MGAT5: variants seen among roughly 807,000 people sequenced by gnomAD.
MGAT5 encodes the protein alpha-1,6-mannosylglycoprotein 6-beta-N-acetylglucosaminyltransferase A.
In MGAT5, 30 loss-of-function variants were observed where a neutral mutation model predicts 94.3. That is an observed-to-expected ratio of 0.32 (90% confidence interval 0.24 to 0.43). The LOEUF (loss-of-function observed/expected upper bound fraction) is 0.43, where lower values mean the gene tolerates loss of function less well. Ranked by LOEUF, MGAT5 falls within the 20% of genes least tolerant of loss-of-function variation. MGAT5 has a pLI of 1.00. For missense variants in MGAT5, 691 were observed against 905.5 expected, an observed-to-expected ratio of 0.76 and a Z score of 3.04; for synonymous variants, 310 against 322.9, an observed-to-expected ratio of 0.96 and a Z score of 0.43.
intron 1 of MGAT5, among the ~76,000 whole-genome samples, chr2:134,154,086 T>C (rs1687360596): frequency 6.6e-6 from 1 of 152,204 alleles, no homozygotes; most frequent in Non-Finnish European, 1.5e-5. Flanking sequence ...ATAAGAGCCA[T>C]AGCATTTTCA....
chr2:134,238,458 T>G (rs552419273), intron 1 of MGAT5, among the ~76,000 whole-genome samples: 1 of 152,340 alleles, frequency 6.6e-6, no homozygotes, highest in African/African-American at 2.4e-5. Flanking sequence ...ATGACACATG[T>G]GGCCTTTGAC....
intron 1 of MGAT5, among the ~76,000 whole-genome samples, chr2:134,170,505 A>G (rs947904031): frequency 6.6e-6 from 1 of 152,236 alleles, no homozygotes; most frequent in Non-Finnish European, 1.5e-5. Context: ...TGACACAGAC[A>G]AAAATGCTAA....
intron 10 of MGAT5, among the ~76,000 whole-genome samples, chr2:134,385,583 G>A (rs534776377): frequency 1.2e-4 from 19 of 152,310 alleles, no homozygotes; most frequent in African/African-American, 4.6e-4. Context: ...TAGACCTGGG[G>A]TGTTCAATCA....
At chr2:134,307,625 C>G (rs1024258868) in intron 2 of MGAT5, among the ~76,000 whole-genome samples, 3 of 152,076 alleles carry the variant, frequency 2.0e-5, no homozygotes, top group Admixed American at 2.0e-4. Flanking sequence ...AACCGTATTT[C>G]TTACTACCCT....
chr2:134,286,545 C>T (rs1287204658), intron 2 of MGAT5, among the ~76,000 whole-genome samples: 4 of 152,010 alleles, frequency 2.6e-5, no homozygotes, highest in Non-Finnish European at 4.4e-5. Flanking sequence ...AGTTTTCCTG[C>T]CTCAGCCTCC....
intron 10 of MGAT5, among the ~76,000 whole-genome samples, chr2:134,378,575 C>A (rs1338859632): frequency 6.6e-6 from 1 of 151,566 alleles, no homozygotes; most frequent in Non-Finnish European, 1.5e-5. Flanking sequence ...ATCGTTAAAT[C>A]AGAACACTAA....
chr2:134,222,033 G>T (rs1680800561), intron 1 of MGAT5, among the ~76,000 whole-genome samples: 1 of 152,116 alleles, frequency 6.6e-6, no homozygotes, highest in Non-Finnish European at 1.5e-5. Context: ...TGATTTGATG[G>T]TAATAGTTTT....
At chr2:134,150,004 G>C (rs916848549) in intron 1 of MGAT5, among the ~76,000 whole-genome samples, 1 of 152,188 alleles carries the variant, frequency 6.6e-6, no homozygotes, top group Non-Finnish European at 1.5e-5. Flanking sequence ...TCCCCACTGG[G>C]TGCCTGATTG....
intron 1 of MGAT5, among the ~76,000 whole-genome samples, chr2:134,259,671 G>A (rs1405541271): frequency 1.3e-5 from 2 of 152,068 alleles, no homozygotes; most frequent in African/African-American, 2.4e-5. Context: ...TCTTCCCTAC[G>A]TTCTGCCTGT....
At chr2:134,156,947 C>T (rs1176361052) in intron 1 of MGAT5, among the ~76,000 whole-genome samples, 1 of 152,122 alleles carries the variant, frequency 6.6e-6, no homozygotes, top group Non-Finnish European at 1.5e-5. Flanking sequence ...GTTTCTCGTT[C>T]TATAAATTGG....
At chr2:134,239,368 C>A (rs1309257652) in intron 1 of MGAT5, among the ~76,000 whole-genome samples, 2 of 152,202 alleles carry the variant, frequency 1.3e-5, no homozygotes, top group East Asian at 3.9e-4. Flanking sequence ...GGGGCTGTCA[C>A]CTTTGTTGGG....
intron 2 of MGAT5, among the ~76,000 whole-genome samples, chr2:134,283,760 G>T (rs1168162320): frequency 2.0e-5 from 3 of 146,856 alleles, no homozygotes; most frequent in Non-Finnish European, 3.0e-5. Context: ...GGTCTTCATG[G>T]TTATTTATGA....
At chr2:134,173,495 C>G (rs1688318773) in intron 1 of MGAT5, among the ~76,000 whole-genome samples, 2 of 152,162 alleles carry the variant, frequency 1.3e-5, no homozygotes, top group South Asian at 4.1e-4. Flanking sequence ...GTATCTGCAC[C>G]CCCTTGTTCT....
rs973341137 is a variant in MGAT5 at position 134,286,541 on chromosome 2, C to T, written c.406+15991C>T. On this transcript the variant is annotated intron_variant, in intron 2 of 15. Transcript: ENST00000281923. Reference sequence around the variant, plus strand: ...CTGCCTCCTGGGTTCAAGCAGTTTTCCTGCCTCAGCCTCCCAAGTAGCTGA... The same window carrying T: ...CTGCCTCCTGGGTTCAAGCAGTTTTTCTGCCTCAGCCTCCCAAGTAGCTGA... 2.0e-5 allele frequency among the ~76,000 whole-genome samples: 3 copies of T among 151,930 alleles called. No homozygotes were observed. In the South Asian group the frequency reaches 6.2e-4, roughly 31 times the overall value.
intron 4 of MGAT5, among the ~76,000 whole-genome samples, chr2:134,325,963 T>C (rs139429651): frequency 6.6e-6 from 1 of 152,190 alleles, no homozygotes; most frequent in Non-Finnish European, 1.5e-5. Flanking sequence ...GTGCCTAATA[T>C]TGTTTGTGCA....
At chr2:134,148,673 G>T (rs982163355) in intron 1 of MGAT5, among the ~76,000 whole-genome samples, 4 of 151,884 alleles carry the variant, frequency 2.6e-5, no homozygotes, top group African/African-American at 9.7e-5. Flanking sequence ...TATACACATG[G>T]ACACACTGTA....
intron 1 of MGAT5, among the ~76,000 whole-genome samples, chr2:134,185,958 C>T (rs1010675718): frequency 6.6e-6 from 1 of 152,112 alleles, no homozygotes; most frequent in Non-Finnish European, 1.5e-5. Context: ...CTGCTGAGAG[C>T]CTGTGATATT....
At chr2:134,186,741 C>T (rs967952938) in intron 1 of MGAT5, among the ~76,000 whole-genome samples, 1 of 152,150 alleles carries the variant, frequency 6.6e-6, no homozygotes, top group Non-Finnish European at 1.5e-5. Flanking sequence ...TCAGTGATGG[C>T]ATCATCAAAG....
chr2:134,314,955 CA>C (rs1686913730), intron 2 of MGAT5, among the ~76,000 whole-genome samples: 1 of 152,190 alleles, frequency 6.6e-6, no homozygotes, highest in Non-Finnish European at 1.5e-5. Flanking sequence ...TTTTTCATGA[CA>C]ACAGCAGAGT....
Sources: gnomAD v4.1 joint callset for allele counts (sites outside exome capture counted in the v4.1 genomes callset) on GRCh38, gnomAD v4.1.1 for gene constraint, MANE v1.5 for transcripts, NCBI Gene and HGNC (gene_info 2026-07-23, HGNC 2026-07-21) for gene names.